The following RNF220 variants were observed in gnomAD, a reference collection of about 807,000 sequenced individuals.
The protein encoded by RNF220 is ring finger protein 220.
RNF220 carries 7 observed loss-of-function variants against 67.1 expected under a neutral mutation model. The ratio of observed to expected loss-of-function variants is 0.10; its 90% confidence interval spans 0.06 to 0.20. RNF220 has a LOEUF of 0.20. RNF220 is among the 10% of genes least tolerant of loss of function. The probability of loss-of-function intolerance (pLI) is 1.00; values close to 1 mark genes in which losing one functional copy is unlikely to be tolerated. For synonymous variants in RNF220, 270 were observed against 283.2 expected, an observed-to-expected ratio of 0.95 and a Z score of 0.47; for missense variants, 565 against 740.3, an observed-to-expected ratio of 0.76 and a Z score of 2.75.
chr1:44,448,283 A>T (rs1652310259), intron 2 of RNF220, among the ~76,000 whole-genome samples: 1 of 152,084 alleles, frequency 6.6e-6, no homozygotes. Flanking sequence ...TGACAGCAAG[A>T]CTCCGTCTCA....
chr1:44,424,018 G>A (rs891198659), intron 2 of RNF220: 4 of 985,134 alleles, frequency 4.1e-6, no homozygotes, highest in Non-Finnish European at 4.8e-6. Flanking sequence ...CTTCATCATC[G>A]CTCTACATCC....
intron 2 of RNF220, among the ~76,000 whole-genome samples, chr1:44,487,901 AAAAT>A (rs1656461650): frequency 6.6e-6 from 1 of 151,010 alleles, no homozygotes; most frequent in Non-Finnish European, 1.5e-5. Context: ...AATAAATATA[AAAAT>A]AAATAAACTA....
At chr1:44,492,986 G>A (rs1656992139) in intron 2 of RNF220, among the ~76,000 whole-genome samples, 1 of 151,480 alleles carries the variant, frequency 6.6e-6, no homozygotes, top group Non-Finnish European at 1.5e-5. Context: ...TCACACTCCT[G>A]GGCTCAAGCA....
At position 44,577,957 on chromosome 1, in the gene RNF220, C is replaced by T. The variant is rs138079155; in HGVS notation, c.626-36208C>T. ...GCTCAAGTGATCCTCTTACCTCAGCCTCCAGTCCCAGCTAATTTTTAGATT... is the reference window on the plus strand; with the variant it reads ...GCTCAAGTGATCCTCTTACCTCAGCTTCCAGTCCCAGCTAATTTTTAGATT... On this transcript the variant is annotated intron_variant, in intron 2 of 14. Transcript: ENST00000361799. Among the ~76,000 whole-genome samples, 199 of 151,274 alleles carry T rather than the reference C, an allele frequency of 1.3e-3. No individual in the cohort carries two copies. The Middle Eastern group carries it at 0.014, about 10-fold the overall frequency.
At chr1:44,568,573 A>G (rs1391089412) in intron 2 of RNF220, among the ~76,000 whole-genome samples, 2 of 152,224 alleles carry the variant, frequency 1.3e-5, no homozygotes, top group Admixed American at 1.3e-4. Flanking sequence ...CCCTAGAGAA[A>G]TGTACTAGTC....
At chr1:44,449,252 A>G (rs535568726) in intron 2 of RNF220, among the ~76,000 whole-genome samples, 1 of 152,320 alleles carries the variant, frequency 6.6e-6, no homozygotes, top group East Asian at 1.9e-4. Context: ...TAGTGGATAC[A>G]GCACATTCAA....
rs567376221 is a variant in RNF220 at position 44,488,380 on chromosome 1, C to G, written c.625+75658C>G. ...CTTACCTCAGGTGATCCACCCGCCT[C>G]AGCCCCCCAAAGTGCTGGGATTACA... On this transcript the variant is annotated intron_variant, in intron 2 of 14. Coordinates refer to ENST00000361799, the MANE Select transcript of RNF220 (RefSeq NM_018150.4). Among the ~76,000 whole-genome samples, 374 of 152,282 alleles carry G rather than the reference C, an allele frequency of 2.5e-3. 2 individuals are homozygous for G. The highest frequency in any genetic ancestry group is 8.6e-3 in the African/African-American group (358 of 41,554).
rs775411649 is a variant in RNF220, at chr1:44,412,481, C to T, written c.384C>T (p.Asp128=). The T allele has an allele frequency of 2.5e-6, 4 of 1,611,520 alleles. No individual in the cohort carries two copies. Among genetic ancestry groups the T allele is most frequent in the Non-Finnish European group, 3.4e-6 (4 of 1,177,864 alleles). ...TCCGGCCCTTTGCCTCCACCGAGGA[C>T]CGGGAGAGCTATCAGTCAGCCTTTA... is the stretch of plus-strand genomic sequence containing the variant. ...GAFRPFASTE[D]RESYQSAFTP... is the part of the protein sequence containing the mutation. The change falls in exon 2 of 15, where the codon GAC becomes GAT. Residue 128 remains aspartate (D), a synonymous_variant. Transcript: ENST00000361799. The surrounding 1 kb of genome is among the most constrained non-coding windows in gnomAD (Gnocchi z 5.3).
chr1:44,459,883 T>C (rs993991043), intron 2 of RNF220, among the ~76,000 whole-genome samples: 1 of 152,156 alleles, frequency 6.6e-6, no homozygotes, highest in Non-Finnish European at 1.5e-5. Context: ...TGCTAACTGA[T>C]GGATTCACCA....
intron 2 of RNF220, among the ~76,000 whole-genome samples, chr1:44,430,596 G>A (rs867413172): frequency 2.0e-5 from 3 of 151,798 alleles, no homozygotes; most frequent in South Asian, 2.1e-4. Context: ...CCCAGGCTGG[G>A]GTGCAGTGGC....
At chr1:44,406,191 GCTGA>G (rs1457842063) in intron 1 of RNF220, among the ~76,000 whole-genome samples, 5 of 152,204 alleles carry the variant, frequency 3.3e-5, no homozygotes, top group African/African-American at 7.2e-5. Context: ...CGGGTGCTCG[GCTGA>G]CTTTTTCCTA....
At position 44,489,565 on chromosome 1, in the gene RNF220, T is replaced by C. The variant is rs572398095; in HGVS notation, c.625+76843T>C. ...TGCCCTTGGCTGTCATCCATCTACC[T>C]GGTTAAAACCACATGAGGATGACTT... On this transcript the variant is annotated intron_variant, in intron 2 of 14. Coordinates refer to ENST00000361799, the MANE Select transcript of RNF220 (RefSeq NM_018150.4). 2.8e-4 allele frequency among the ~76,000 whole-genome samples: 42 copies of C among 152,374 alleles called. No individual in the cohort carries two copies. The East Asian group carries it at 8.1e-3, about 29-fold the overall frequency.
intron 2 of RNF220, among the ~76,000 whole-genome samples, chr1:44,509,675 G>A (rs1313119289): frequency 1.3e-5 from 2 of 151,840 alleles, no homozygotes; most frequent in African/African-American, 4.8e-5. Flanking sequence ...ATCACTTGAG[G>A]CCAGGAGTTC....
At position 44,650,165 on chromosome 1, in the gene RNF220, C is replaced by T; in HGVS notation, c.1629+208C>T. 1 of 606,922 alleles carries T rather than the reference C, an allele frequency of 1.6e-6. No homozygotes were observed. The highest frequency in any genetic ancestry group is 2.9e-6 in the Non-Finnish European group (1 of 344,000). The allele number at this position is 606,922 out of a possible 1,614,324, so 37.6% of individuals were successfully genotyped here. A position where few individuals can be genotyped will look rare whatever the true frequency, so the allele number is the denominator to read the frequency against. On this transcript the variant is annotated intron_variant, in intron 14 of 14. Coordinates refer to ENST00000361799, the MANE Select transcript of RNF220 (RefSeq NM_018150.4). This position sits in a 1 kb window ranked among gnomAD's most constrained non-coding sequence, Gnocchi z 4.3. ...GCAGGTTTAGGAACTTCTCCCCCTC[C>T]ATGAGTTCACTGCATTCTCCCTTCC...
intron 3 of RNF220, among the ~76,000 whole-genome samples, chr1:44,619,790 A>G (rs927397017): frequency 6.6e-6 from 1 of 152,278 alleles, no homozygotes; most frequent in East Asian, 1.9e-4. Flanking sequence ...GTCTTCTATG[A>G]GGCAGGCCCT....
At chr1:44,541,923 A>G (rs12065045) in intron 2 of RNF220, among the ~76,000 whole-genome samples, 38,983 of 152,158 alleles carry the variant, frequency 0.26, 5,278 homozygotes, top group Middle Eastern at 0.35. Flanking sequence ...GAAAAATTTT[A>G]ACTTCAGAAT....
intron 2 of RNF220, among the ~76,000 whole-genome samples, chr1:44,525,606 G>A (rs270724): frequency 0.15 from 23,009 of 152,082 alleles, 2,176 homozygotes; most frequent in Admixed American, 0.22. Context: ...CTCTTTTGAG[G>A]CCATTCGATC....
intron 2 of RNF220, among the ~76,000 whole-genome samples, chr1:44,426,287 C>T (rs1424365244): frequency 6.6e-6 from 1 of 152,184 alleles, no homozygotes; most frequent in Non-Finnish European, 1.5e-5. Context: ...AGAGATCTTT[C>T]CTAGGCTGCA....
intron 5 of RNF220, chr1:44,631,684 C>T (rs1644126443): frequency 6.2e-6 from 1 of 161,206 alleles, no homozygotes; most frequent in Non-Finnish European, 1.3e-5. Flanking sequence ...TGCCTCTGCC[C>T]TAAGGGCAGC....
Sources: allele counts gnomAD v4.1 joint callset (sites outside exome capture counted in the v4.1 genomes callset), GRCh38; gene constraint gnomAD v4.1.1; non-coding constraint Gnocchi (gnomAD v3.1); transcripts MANE v1.5; gene names NCBI Gene and HGNC (gene_info 2026-07-23, HGNC 2026-07-21).